The following PCDHA2 variants were observed in gnomAD, a reference collection of about 807,000 sequenced individuals.
PCDHA2 encodes the protein protocadherin alpha 2.
PCDHA2 carries 58 observed loss-of-function variants against 66.0 expected under a neutral mutation model. The observed-to-expected ratio is 0.88, with a 90% CI of 0.71 to 1.09. The LOEUF is 1.09. PCDHA2 is among the 50% of genes least tolerant of loss of function. PCDHA2 has a pLI of 0.00. For missense variants in PCDHA2, 1,267 were observed against 1,242.3 expected (o/e 1.02, Z -0.30); for synonymous variants, 634 against 554.0 (o/e 1.14, Z -2.03).
chr5:140,875,949 T>G (rs1306170767), intron 1 of PCDHA2: 3 of 1,614,214 alleles, frequency 1.9e-6, no homozygotes, highest in East Asian at 4.5e-5. Flanking sequence ...GCGCTTCTGA[T>G]GCGGATATCG....
chr5:140,927,918 CCTGA>C, intron 1 of PCDHA2: 1 of 1,614,220 alleles, frequency 6.2e-7, no homozygotes, highest in Non-Finnish European at 8.5e-7. Context: ...AACTGGACTT[CCTGA>C]CTCTTTCGAA....
At chr5:140,912,472 G>A (rs993404931) in intron 1 of PCDHA2, among the ~76,000 whole-genome samples, 4 of 151,836 alleles carry the variant, frequency 2.6e-5, no homozygotes, top group African/African-American at 9.7e-5. Context: ...GAACTTTACT[G>A]AATTCATTTA....
At chr5:140,981,584 A>G (rs556917015) in intron 2 of PCDHA2, among the ~76,000 whole-genome samples, 1 of 152,258 alleles carries the variant, frequency 6.6e-6, no homozygotes, top group Non-Finnish European at 1.5e-5. Context: ...AAAAATAAAT[A>G]AAATAAAACA....
chr5:140,836,399 C>T (rs2150259749), intron 1 of PCDHA2: 3 of 1,613,764 alleles, frequency 1.9e-6, no homozygotes, highest in Admixed American at 3.3e-5. Flanking sequence ...TGGTGGAAAG[C>T]GGCCAGGCAC....
chr5:140,996,175 C>T (rs1296990069), intron 3 of PCDHA2, among the ~76,000 whole-genome samples: 2 of 152,336 alleles, frequency 1.3e-5, no homozygotes, highest in Middle Eastern at 3.4e-3. Flanking sequence ...GTGCTGACAG[C>T]ACCTCCATTT....
rs1207602014 is a variant in PCDHA2 at position 140,886,275 on chromosome 5, T to A, written c.2388+88923T>A. On this transcript the variant is annotated intron_variant, in intron 1 of 3. Transcript: ENST00000526136. ...ATCTCTATTTATAGATAAAATTTTT[T>A]AAAATTATTTTTATATTTATTTATT... 5.9e-5 allele frequency among the ~76,000 whole-genome samples: 9 copies of A among 152,098 alleles called. No homozygotes were observed. In the East Asian group the frequency reaches 1.5e-3, roughly 26 times the overall value.
intron 1 of PCDHA2, chr5:140,822,163 C>T: frequency 6.2e-7 from 1 of 1,614,250 alleles, no homozygotes; most frequent in Non-Finnish European, 8.5e-7. Context: ...TGACAATCCG[C>T]CCAGGTTCTC....
chr5:140,908,142 A>T (rs1371459142), intron 1 of PCDHA2, among the ~76,000 whole-genome samples: 1 of 152,158 alleles, frequency 6.6e-6, no homozygotes, highest in East Asian at 1.9e-4. Context: ...TCCTTCAGGT[A>T]TGTCCTAGGA....
intron 3 of PCDHA2, among the ~76,000 whole-genome samples, chr5:140,985,683 G>T (rs926848363): frequency 3.3e-5 from 5 of 151,148 alleles, no homozygotes; most frequent in Admixed American, 6.6e-5. Flanking sequence ...CCTGCCTTAC[G>T]CTAATCCTCG....
At chr5:140,985,167 G>C (rs905296036) in intron 3 of PCDHA2, among the ~76,000 whole-genome samples, 2 of 152,176 alleles carry the variant, frequency 1.3e-5, no homozygotes, top group Admixed American at 1.3e-4. Context: ...TCAATCTCCT[G>C]ACCTCGTAAT....
At position 140,802,093 on chromosome 5, in the gene PCDHA2, A is replaced by G; in HGVS notation, c.2388+4741A>G. 1.9e-6 allele frequency: 3 copies of G among 1,614,230 alleles called. No individual in the cohort carries two copies. In the South Asian group the frequency reaches 3.3e-5, roughly 18 times the overall value. On this transcript the variant is annotated intron_variant, in intron 1 of 3. Coordinates refer to ENST00000526136, the MANE Select transcript of PCDHA2 (RefSeq NM_018905.3). ...TCAAAATTCCATTTAGATCCAGTCA[A>G]TGGACAAATCAGTGTAAAGGGTAAC... is the stretch of plus-strand genomic sequence containing the variant.
intron 1 of PCDHA2, chr5:140,807,458 G>C (rs1763938347): frequency 1.2e-6 from 2 of 1,608,118 alleles, no homozygotes; most frequent in Admixed American, 1.7e-5. Context: ...TTCTCGGATC[G>C]ACCGGGAGGA....
At chr5:140,856,044 A>G (rs782811970) in intron 1 of PCDHA2, 1 of 1,581,666 alleles carries the variant, frequency 6.3e-7, no homozygotes, top group South Asian at 1.1e-5. Context: ...CAAGAGAAGG[A>G]TAAGATGGTT....
At chr5:140,800,976 A>G (rs3756338) in intron 1 of PCDHA2, 688,487 of 1,275,392 alleles carry the variant, frequency 0.54, 187,644 homozygotes, top group African/African-American at 0.7. Context: ...ATACGTTTAC[A>G]TATTTAATAC....
rs2150201609 is a variant in PCDHA2 at position 140,832,441 on chromosome 5, G to A, written c.2388+35089G>A. Among the ~76,000 whole-genome samples the A allele has an allele frequency of 2.6e-4, 40 of 152,204 alleles. No homozygotes were observed. In the East Asian group the frequency reaches 5.8e-3, roughly 22 times the overall value. ...AAGAAGTACATGATAATTTTTAAGC[G>A]TGTAATTAATATTGCACTAAAATTT... On this transcript the variant is annotated intron_variant, in intron 1 of 3. Coordinates refer to ENST00000526136, the MANE Select transcript of PCDHA2 (RefSeq NM_018905.3).
rs782549196 is a variant in PCDHA2 at position 140,796,573 on chromosome 5, G to A, written c.1609G>A (p.Ala537Thr). Residue 537 changes from alanine (A) to threonine (T), a missense_variant, in exon 1 of 4, where the codon GCG becomes ACG. Coordinates refer to ENST00000526136, the MANE Select transcript of PCDHA2 (RefSeq NM_018905.3). ...EVELLQFQVS[A>T]RDAGVPPLGS... Reference sequence around the variant, plus strand: ...GGAGCTGCTGCAGTTCCAGGTGAGCGCGCGGGATGCGGGCGTGCCGCCTCT... The same window carrying A: ...GGAGCTGCTGCAGTTCCAGGTGAGCACGCGGGATGCGGGCGTGCCGCCTCT... The A allele has an allele frequency of 6.2e-7, 1 of 1,613,202 alleles. No homozygotes were observed. Among genetic ancestry groups the A allele is most frequent in the South Asian group, 1.1e-5 (1 of 91,058 alleles).
intron 1 of PCDHA2, among the ~76,000 whole-genome samples, chr5:140,934,327 T>C (rs1379362644): frequency 1.3e-5 from 2 of 152,152 alleles, no homozygotes; most frequent in African/African-American, 4.8e-5. Flanking sequence ...CAATCATGAA[T>C]GTAATAACCA....
At chr5:141,005,332 A>G (rs1479899678) in intron 3 of PCDHA2, among the ~76,000 whole-genome samples, 2 of 152,188 alleles carry the variant, frequency 1.3e-5, no homozygotes, top group Non-Finnish European at 2.9e-5. Context: ...ATAATAGGCC[A>G]AGGGGGTGCT....
At chr5:140,900,626 T>C (rs958637463) in intron 1 of PCDHA2, among the ~76,000 whole-genome samples, 6 of 152,230 alleles carry the variant, frequency 3.9e-5, no homozygotes, top group Non-Finnish European at 7.3e-5. Flanking sequence ...TGCTTCCAAA[T>C]CTTGGCTATT....
Sources: gnomAD v4.1 joint callset for allele counts (sites outside exome capture counted in the v4.1 genomes callset) on GRCh38, gnomAD v4.1.1 for gene constraint, MANE v1.5 for transcripts, NCBI Gene and HGNC (gene_info 2026-07-23, HGNC 2026-07-21) for gene names.